The following CNDP2 variants were observed in gnomAD, a reference collection of about 807,000 sequenced individuals.
CNDP2 encodes cytosolic non-specific dipeptidase.
In CNDP2, 38 loss-of-function variants were observed where a neutral mutation model predicts 55.0. That is an observed-to-expected ratio of 0.69 (90% confidence interval 0.53 to 0.90). The LOEUF (loss-of-function observed/expected upper bound fraction) is 0.90. CNDP2 is among the 40% of genes least tolerant of loss of function. The probability of loss-of-function intolerance (pLI) is 0.00; values close to 1 mark genes in which losing one functional copy is unlikely to be tolerated. For missense variants in CNDP2, 607 were observed against 621.7 expected, an observed-to-expected ratio of 0.98 and a Z score of 0.25; for synonymous variants, 241 against 260.2, an observed-to-expected ratio of 0.93 and a Z score of 0.71.
intron 4 of CNDP2, among the ~76,000 whole-genome samples, chr18:74,506,427 C>T (rs781630109): frequency 1.4e-4 from 22 of 152,214 alleles, no homozygotes; most frequent in Non-Finnish European, 2.1e-4. Context: ...TGAGCCACCA[C>T]GCCGGGCACA....
chr18:74,506,244 C>G (rs1011401213), intron 4 of CNDP2, among the ~76,000 whole-genome samples: 3 of 152,192 alleles, frequency 2.0e-5, no homozygotes, highest in Non-Finnish European at 2.9e-5. Flanking sequence ...AAGCGATTCT[C>G]CTGCCTCAGC....
At chr18:74,499,861 G>T in intron 1 of CNDP2, 21 bp from the exon 2 acceptor site, 1 of 880,344 alleles carries the variant, frequency 1.1e-6, no homozygotes, top group East Asian at 2.6e-5. Context: ...TTACAATTCT[G>T]AACACGTGCT....
chr18:74,498,884 T>C (rs978746289), intron 1 of CNDP2, among the ~76,000 whole-genome samples: 97 of 152,212 alleles, frequency 6.4e-4, no homozygotes, highest in African/African-American at 2.2e-3. Flanking sequence ...CCCACCCACA[T>C]AGAAATCACA....
chr18:74,505,964 T>C lies in CNDP2; in HGVS notation c.320T>C (p.Leu107Pro), dbSNP rs1204323045. The C allele has an allele frequency of 6.2e-7, 1 of 1,609,304 alleles. No individual in the cohort carries two copies. Among genetic ancestry groups the C allele is most frequent in the East Asian group, 2.2e-5 (1 of 44,792 alleles). Residue 107 changes from leucine to proline, a missense_variant, in exon 4 of 12, where the codon CTG becomes CCG. By Grantham distance (98) the Leu-to-Pro change is moderately conservative. Coordinates refer to ENST00000324262, the MANE Select transcript of CNDP2 (RefSeq NM_018235.3). ...CACCTGGATGTGCAGCCTGCAGCCCTGGAGGACGGCTGGGACAGCGAGCCC... is the reference window on the plus strand; with the variant it reads ...CACCTGGATGTGCAGCCTGCAGCCCCGGAGGACGGCTGGGACAGCGAGCCC... Reference protein sequence around the residue: ...YGHLDVQPAALEDGWDSEPFT... With the variant: ...YGHLDVQPAAPEDGWDSEPFT...
intron 3 of CNDP2, among the ~76,000 whole-genome samples, chr18:74,501,975 C>G (rs1042940551): frequency 6.6e-6 from 1 of 152,078 alleles, no homozygotes; most frequent in Non-Finnish European, 1.5e-5. Flanking sequence ...CCCACTGCAA[C>G]CTCCGCCTCC....
chr18:74,511,189 G>A, intron 6 of CNDP2, 176 bp downstream of exon 6: 1 of 601,060 alleles, frequency 1.7e-6, no homozygotes, highest in Admixed American at 3.0e-5. Context: ...AGGGTGGACA[G>A]CAACACTTCC....
At position 74,522,140 on chromosome 18, in the gene CNDP2, G is replaced by GT. The variant is rs1980086591; in HGVS notation, c.*2073dup. 1 of 152,240 alleles carries GT rather than the reference G, an allele frequency of 6.6e-6. No individual in the cohort carries two copies. The highest frequency in any genetic ancestry group is 2.1e-4 in the South Asian group (1 of 4,832). The allele number at this position is 152,240 out of a possible 1,614,324, so 9.4% of individuals were successfully genotyped here. On this transcript the variant is annotated 3_prime_UTR_variant, in exon 12 of 12. Transcript: ENST00000324262. ...GCATAAGAGGTTAGCTGGGTGAAGT[G>GT]TATCTGGGGACCCTCTATGGCTTTT...
At chr18:74,512,237 G>A in intron 6 of CNDP2, 1 of 543,704 alleles carries the variant, frequency 1.8e-6, no homozygotes, top group Non-Finnish European at 3.3e-6. Flanking sequence ...CGTCTTATCT[G>A]TGGTTGGCAT....
chr18:74,508,587 AC>A (rs924252667), intron 4 of CNDP2: 10 of 454,642 alleles, frequency 2.2e-5, no homozygotes, highest in African/African-American at 2.0e-4. Context: ...CCATGCCCCC[AC>A]CTGACCACCG....
chr18:74,515,256 C>T (rs758686061), intron 8 of CNDP2, among the ~76,000 whole-genome samples: 6 of 152,096 alleles, frequency 3.9e-5, no homozygotes, highest in Non-Finnish European at 5.9e-5. Flanking sequence ...AGAGCTGAGT[C>T]GGTGGAGCTA....
rs1396357170 is a variant in CNDP2 at position 74,520,031 on chromosome 18, C to T, written c.1391C>T (p.Ala464Val). The change falls in exon 12 of 12, where the codon GCC (alanine) becomes GTC (valine). Residue 464 changes from alanine to valine, a missense_variant. Transcript: ENST00000324262. ...TACATAGAGGGAACCAAGATGCTGG[C>T]CGCGTACCTGTATGAGGTCTCCCAG... ...YNYIEGTKML[A>V]AYLYEVSQLK... 3 of 1,614,006 alleles carry T rather than the reference C, an allele frequency of 1.9e-6. No individual in the cohort carries two copies. The highest frequency in any genetic ancestry group is 1.3e-5 in the African/African-American group (1 of 74,938).
At chr18:74,517,665 C>T (rs902241984) in intron 9 of CNDP2, 6 of 151,872 alleles carry the variant, frequency 4.0e-5, no homozygotes, top group African/African-American at 1.2e-4. Flanking sequence ...CAGGTAGTGG[C>T]AGGGTGGAGC....
intron 8 of CNDP2, 84 bp downstream of exon 8, chr18:74,513,803 T>A: frequency 1.4e-6 from 2 of 1,394,430 alleles, no homozygotes; most frequent in Non-Finnish European, 2.0e-6. Context: ...CTTCCCTGGG[T>A]CCAGGGGGTC....
At chr18:74,501,242 A>G in intron 2 of CNDP2, 87 bp from the exon 3 acceptor site, 1 of 1,523,604 alleles carries the variant, frequency 6.6e-7, no homozygotes, top group Non-Finnish European at 8.8e-7. Context: ...ACAGAGGGTG[A>G]GCCTGGAATG....
intron 3 of CNDP2, among the ~76,000 whole-genome samples, chr18:74,505,492 G>T (rs8094784): frequency 0.42 from 64,080 of 151,660 alleles, 13,904 homozygotes; most frequent in East Asian, 0.69. Context: ...CCAGCTACTT[G>T]GGCGGTTGAG....
chr18:74,503,780 C>T (rs369806498), intron 3 of CNDP2, among the ~76,000 whole-genome samples: 3 of 150,174 alleles, frequency 2.0e-5, no homozygotes, highest in African/African-American at 5.1e-5. Context: ...AAATGAGGGG[C>T]GTCAGGCCAT....
Position 74,505,740 on chromosome 18 carries a change from G to A in CNDP2, c.205-109G>A. On this transcript the variant is annotated intron_variant, in intron 3 of 11. Transcript: ENST00000324262. Reference sequence around the variant, plus strand: ...GCTCTTAAACTCTACAATAGAGGTTGATTGATAAGGACAGATAAGGAAGCT... The same window carrying A: ...GCTCTTAAACTCTACAATAGAGGTTAATTGATAAGGACAGATAAGGAAGCT... 4 of 1,187,524 alleles carry A rather than the reference G, an allele frequency of 3.4e-6. No homozygotes were observed. In the South Asian group the frequency reaches 4.3e-5, roughly 13 times the overall value. 73.6% of individuals were successfully genotyped at this position (1,187,524 alleles called of 1,614,324 possible).
At chr18:74,512,311 C>G in intron 6 of CNDP2, 137 bp from the exon 7 acceptor site, 2 of 688,172 alleles carry the variant, frequency 2.9e-6, no homozygotes, top group Admixed American at 3.1e-5. Flanking sequence ...AAATGCCTTG[C>G]TTTGCTCCCT....
rs2144621787 is a variant in CNDP2, at chr18:74,520,425, CAG to C, written c.*358_*359del. On this transcript the variant is annotated 3_prime_UTR_variant, in exon 12 of 12. Coordinates refer to ENST00000324262, the MANE Select transcript of CNDP2 (RefSeq NM_018235.3). ...AATCGAGCACTTTGGGAGGCCAAGA[CAG>C]GAGGATCACTTGAGGCCAGGAGTCT... 2 of 232,960 alleles carry C rather than the reference CAG, an allele frequency of 8.6e-6. No homozygotes were observed. The highest frequency in any genetic ancestry group is 1.3e-4 in the East Asian group (1 of 7,700). 14.4% of individuals were successfully genotyped at this position (232,960 alleles called of 1,614,324 possible). A position where few individuals can be genotyped will look rare whatever the true frequency, so the allele number is the denominator to read the frequency against.
Sources: gnomAD v4.1 joint callset for allele counts (sites outside exome capture counted in the v4.1 genomes callset) on GRCh38, gnomAD v4.1.1 for gene constraint, MANE v1.5 for transcripts, NCBI Gene and HGNC (gene_info 2026-07-23, HGNC 2026-07-21) for gene names.